ADPRHL1: variants seen among roughly 807,000 people sequenced by gnomAD.
The protein encoded by ADPRHL1 is ADP-ribosylhydrolase like 1.
ADPRHL1 carries 43 observed loss-of-function variants against 44.1 expected under a neutral mutation model. That is an observed-to-expected ratio of 0.98 (90% CI 0.76 to 1.26). The LOEUF (loss-of-function observed/expected upper bound fraction) is 1.26, where lower values mean the gene tolerates loss of function less well. Ranked by LOEUF, ADPRHL1 falls within the 50% of genes most tolerant of loss-of-function variation. The pLI, the probability that ADPRHL1 is intolerant of heterozygous loss-of-function variation, is 0.00. For synonymous variants in ADPRHL1, 878 were observed against 1,017.4 expected, an observed-to-expected ratio of 0.86 and a Z score of 2.61; for missense variants, 2,022 against 2,496.9, an observed-to-expected ratio of 0.81 and a Z score of 4.05.
chr13:113,439,892 C>T (rs978106127), intron 2 of ADPRHL1, among the ~76,000 whole-genome samples: 5 of 151,976 alleles, frequency 3.3e-5, no homozygotes, highest in Admixed American at 1.3e-4. Flanking sequence ...AATAATATTC[C>T]CTTATTTTCC....
intron 2 of ADPRHL1, among the ~76,000 whole-genome samples, chr13:113,442,124 T>C (rs2044103690): frequency 6.6e-6 from 1 of 152,238 alleles, no homozygotes; most frequent in African/African-American, 2.4e-5. Flanking sequence ...GAAAGGCTAT[T>C]TTGCCTTCAT....
Position 113,409,201 on chromosome 13 carries a change from G to A in ADPRHL1, c.1062-981C>T, listed in dbSNP as rs34993272. On this transcript the variant is annotated intron_variant, in intron 7 of 7. Coordinates refer to ENST00000612156, the MANE Select transcript of ADPRHL1 (RefSeq NM_001394807.1). The surrounding 1 kb of genome is among the most constrained non-coding windows in gnomAD (Gnocchi z 4.2). ...TCTTTGTGATTTGATGGTGTTTTCT[G>A]AGCCTGGGTCCGGGGTAAGTTCTGC... is the stretch of plus-strand genomic sequence containing the variant. The A allele has an allele frequency of 0.048, 33,621 of 704,978 alleles. 888 individuals carry two copies. Among genetic ancestry groups the A allele is most frequent in the Non-Finnish European group, 0.054 (30,711 of 573,786 alleles). 43.7% of individuals were successfully genotyped at this position (704,978 alleles called of 1,614,324 possible). A position where few individuals can be genotyped will look rare whatever the true frequency, so the allele number is the denominator to read the frequency against.
intron 7 of ADPRHL1, among the ~76,000 whole-genome samples, chr13:113,414,116 C>T (rs968117348): frequency 1.3e-5 from 2 of 152,188 alleles, no homozygotes; most frequent in African/African-American, 2.4e-5. Context: ...CACCCTCAGC[C>T]GCAGTTTCCT....
rs1297937003 is a variant in ADPRHL1 at position 113,406,514 on chromosome 13, G to C, written c.2768C>G (p.Ala923Gly). The C allele has an allele frequency of 5.7e-6, 7 of 1,232,062 alleles. No homozygotes were observed. The highest frequency in any genetic ancestry group is 6.1e-6 in the Non-Finnish European group (6 of 988,026). The allele number at this position is 1,232,062 out of a possible 1,614,324, so 76.3% of individuals were successfully genotyped here. ...CCCTCTTGCTGCTGCCAGACGCGGA[G>C]CTGCCCGTGGCCCCTGCGGCGAAGA... ...SASSPQGPRA[A>G]PRLAAARGAV... The change falls in exon 8 of 8, where the codon GCT (alanine) becomes GGT (glycine). Residue 923 changes from alanine to glycine, a missense_variant. Transcript: ENST00000612156.
intron 2 of ADPRHL1, among the ~76,000 whole-genome samples, chr13:113,436,018 G>A (rs71449007): frequency 0.099 from 8,955 of 90,602 alleles, no homozygotes; most frequent in Middle Eastern, 0.17. Context: ...TGTACCCCGG[G>A]ACCCAGCACC....
chr13:113,448,948 C>A (rs186012627), intron 1 of ADPRHL1: 1 of 985,518 alleles, frequency 1.0e-6, no homozygotes, highest in South Asian at 4.7e-5. Context: ...GAGCAATGGC[C>A]GAGCTCTCTG....
At chr13:113,424,628 G>T (rs901064456) in intron 5 of ADPRHL1, among the ~76,000 whole-genome samples, 1 of 51,758 alleles carries the variant, frequency 1.9e-5, no homozygotes, top group East Asian at 5.9e-4. Flanking sequence ...CTAATTTTTT[G>T]TATTTTTAGT....
Position 113,453,383 on chromosome 13 carries a change from A to AGCCAAGAG in ADPRHL1, c.47_54dup (p.Tyr19LeufsTer14). 6.2e-7 allele frequency: 1 copy of AGCCAAGAG among 1,614,190 alleles called. No individual in the cohort carries two copies. Among genetic ancestry groups the AGCCAAGAG allele is most frequent in the Non-Finnish European group, 8.5e-7 (1 of 1,180,034 alleles). On this transcript the variant is annotated frameshift_variant, in exon 1 of 8. Coordinates refer to ENST00000612156, the MANE Select transcript of ADPRHL1 (RefSeq NM_001394807.1). LOFTEE classifies it high-confidence loss of function. This position sits in a 1 kb window ranked among gnomAD's most constrained non-coding sequence, Gnocchi z 5.4. The stretch of plus-strand genomic sequence containing the variant: ...CTGTTCTCCTTGCAGACATTTCTGT[A>AGCCAAGAG]GCCAAGAGCATCGCCGACGCTCCCC...
chr13:113,433,185 C>A (rs1041466371), intron 3 of ADPRHL1, among the ~76,000 whole-genome samples: 3 of 152,330 alleles, frequency 2.0e-5, no homozygotes, highest in Admixed American at 1.3e-4. Flanking sequence ...AAACCTGTGG[C>A]CCGTGGGGTG....
intron 7 of ADPRHL1, among the ~76,000 whole-genome samples, chr13:113,417,824 G>A (rs9549413): frequency 1.4e-5 from 1 of 72,300 alleles, no homozygotes; most frequent in Non-Finnish European, 3.1e-5. Flanking sequence ...CAGGGGAGCT[G>A]CAGTGCCTGC....
At chr13:113,420,972 C>T (rs1487287442) in intron 7 of ADPRHL1, among the ~76,000 whole-genome samples, 2 of 104,330 alleles carry the variant, frequency 1.9e-5, no homozygotes, top group Non-Finnish European at 3.8e-5. Flanking sequence ...CCCTGGGACA[C>T]GCCCACCCCC....
At chr13:113,444,903 G>A (rs578125166) in intron 1 of ADPRHL1, among the ~76,000 whole-genome samples, 5 of 152,144 alleles carry the variant, frequency 3.3e-5, no homozygotes, top group Non-Finnish European at 5.9e-5. Flanking sequence ...GATTACAGGC[G>A]TGAGCCACTG....
intron 1 of ADPRHL1, among the ~76,000 whole-genome samples, chr13:113,448,487 A>G (rs1213005978): frequency 6.6e-6 from 1 of 151,620 alleles, no homozygotes; most frequent in Admixed American, 6.6e-5. Flanking sequence ...AAAAAAAAAA[A>G]AAAATGGTGC....
Position 113,429,170 on chromosome 13 carries a change from T to C in ADPRHL1, c.506-78A>G. ...GCCTGGGGCCGCCCGCCACGCTGCG[T>C]GGGACTCCCGAGGAAGGGTTTGCTC... On this transcript the variant is annotated intron_variant, in intron 3 of 7. Coordinates refer to ENST00000612156, the MANE Select transcript of ADPRHL1 (RefSeq NM_001394807.1). 2.6e-6 allele frequency: 4 copies of C among 1,539,138 alleles called. No individual in the cohort carries two copies. The African/African-American group carries it at 5.5e-5, about 21-fold the overall frequency.
In ADPRHL1 at chr13:113,406,928, C is replaced by A; in HGVS notation, c.2354G>T (p.Cys785Phe). Residue 785 changes from cysteine to phenylalanine, a missense_variant, in exon 8 of 8, where the codon TGC becomes TTC. By Grantham distance (205) the Cys-to-Phe change is radical. Transcript: ENST00000612156. ...TCCTTCCCTTTCATCCTCTGAACTG[C>A]AAACAGTCATGGTGATTTCAGGGCC... The part of the protein sequence containing the change: ...GEGPEITMTV[C>F]SSEDEREGAG... 1 of 1,232,182 alleles carries A rather than the reference C, an allele frequency of 8.1e-7. No homozygotes were observed. The highest frequency in any genetic ancestry group is 1.5e-5 in the African/African-American group (1 of 64,552). The allele number at this position is 1,232,182 out of a possible 1,614,324, so 76.3% of individuals were successfully genotyped here.
chr13:113,411,811 C>G (rs570770397), intron 7 of ADPRHL1, among the ~76,000 whole-genome samples: 173 of 152,322 alleles, frequency 1.1e-3, no homozygotes, highest in African/African-American at 4.1e-3. Context: ...GTTTCCACAG[C>G]CCCCTTCACA....
At chr13:113,426,235 G>C (rs1441251577) in intron 4 of ADPRHL1, among the ~76,000 whole-genome samples, 4 of 152,216 alleles carry the variant, frequency 2.6e-5, no homozygotes, top group African/African-American at 9.6e-5. Context: ...CCGCCGTGGA[G>C]CCAGGAGGTG....
At chr13:113,414,760 C>T (rs903693127) in intron 7 of ADPRHL1, among the ~76,000 whole-genome samples, 1 of 151,752 alleles carries the variant, frequency 6.6e-6, no homozygotes, top group Admixed American at 6.6e-5. Context: ...ACTGCAAGCT[C>T]CGCCTCCCGG....
chr13:113,429,937 G>T (rs1242515570), intron 3 of ADPRHL1, among the ~76,000 whole-genome samples: 2 of 152,194 alleles, frequency 1.3e-5, no homozygotes, highest in African/African-American at 4.8e-5. Context: ...AAATGCATGC[G>T]AGTATATATG....
Sources: gnomAD v4.1 joint callset for allele counts (sites outside exome capture counted in the v4.1 genomes callset) on GRCh38, gnomAD v4.1.1 for gene constraint, Gnocchi (gnomAD v3.1) non-coding constraint, MANE v1.5 for transcripts, NCBI Gene and HGNC (gene_info 2026-07-23, HGNC 2026-07-21) for gene names.